ARID2: variants seen among roughly 807,000 people sequenced by gnomAD.
ARID2 encodes the protein AT-rich interactive domain-containing protein 2.
ARID2 carries 32 observed loss-of-function variants against 184.6 expected under a neutral mutation model. That is an observed-to-expected ratio of 0.17 (90% CI 0.13 to 0.23). The LOEUF (loss-of-function observed/expected upper bound fraction) is 0.23, where lower values mean the gene tolerates loss of function less well. Among genes scored for constraint, ARID2 ranks in the 10% least tolerant of loss-of-function variants. The pLI is 1.00. For synonymous variants in ARID2, 836 were observed against 772.6 expected (o/e 1.08, Z -1.36); for missense variants, 1,696 against 2,197.6 (o/e 0.77, Z 4.56).
chr12:45,868,698 G>A (rs969222439), intron 16 of ARID2, among the ~76,000 whole-genome samples: 1 of 152,232 alleles, frequency 6.6e-6, no homozygotes, highest in East Asian at 1.9e-4. Flanking sequence ...TTTTCCAAAT[G>A]GCTAACTTAT....
At chr12:45,827,265 A>G (rs889999623) in intron 6 of ARID2, among the ~76,000 whole-genome samples, 3 of 152,034 alleles carry the variant, frequency 2.0e-5, no homozygotes, top group Admixed American at 6.6e-5. Flanking sequence ...AGCTAGGCCT[A>G]TTGCTACATA....
At chr12:45,840,122 C>T (rs1943314983) in intron 11 of ARID2, 1 of 152,158 alleles carries the variant, frequency 6.6e-6, no homozygotes, top group Admixed American at 6.5e-5. Context: ...CATTATGAGT[C>T]ATCATTTTTT....
intron 6 of ARID2, among the ~76,000 whole-genome samples, chr12:45,827,360 C>A (rs190622463): frequency 6.6e-6 from 1 of 152,078 alleles, no homozygotes; most frequent in Non-Finnish European, 1.5e-5. Context: ...CTTTAAGTCA[C>A]CTTATTTCAG....
intron 3 of ARID2, among the ~76,000 whole-genome samples, chr12:45,793,215 G>A (rs994403509): frequency 6.6e-6 from 1 of 151,926 alleles, no homozygotes; most frequent in Admixed American, 6.6e-5. Context: ...CAAGAGAACC[G>A]CTTGAACCCC....
chr12:45,850,167 T>C lies in ARID2; in HGVS notation c.2044T>C (p.Ser682Pro), dbSNP rs759306222. Residue 682 changes from serine (S) to proline (P), a missense_variant, in exon 15 of 21, where the codon TCA (serine) becomes CCA (proline). By Grantham distance (74) the Ser-to-Pro change is moderately conservative. Around this residue, in one of 11 missense-constraint regions of ARID2, gnomAD observed 713 missense variants for 824.4 expected, o/e 0.86. Coordinates refer to ENST00000334344, the MANE Select transcript of ARID2 (RefSeq NM_152641.4). ...TGTTCATACTGTGGCACAAACTGTT[T>C]CAAGAATTCCACAAAATCCTTCACC... ...QGVHTVAQTVSRIPQNPSPHT... is the reference protein window; with the variant it reads ...QGVHTVAQTVPRIPQNPSPHT... The C allele has an allele frequency of 6.2e-7, 1 of 1,614,138 alleles. No homozygotes were observed. Among genetic ancestry groups the C allele is most frequent in the Non-Finnish European group, 8.5e-7 (1 of 1,179,996 alleles).
At chr12:45,754,632 C>T (rs573596873) in intron 3 of ARID2, among the ~76,000 whole-genome samples, 1 of 152,314 alleles carries the variant, frequency 6.6e-6, no homozygotes, top group South Asian at 2.1e-4. Context: ...CTTTTCTTAT[C>T]TCATCAAGCA....
intron 3 of ARID2, among the ~76,000 whole-genome samples, chr12:45,738,366 G>T (rs1402208605): frequency 1.3e-5 from 2 of 152,112 alleles, no homozygotes; most frequent in African/African-American, 4.8e-5. Flanking sequence ...TCAGGCTGGA[G>T]TGCAGTGGCA....
At chr12:45,802,917 A>G (rs1278734716) in intron 3 of ARID2, among the ~76,000 whole-genome samples, 1 of 152,108 alleles carries the variant, frequency 6.6e-6, no homozygotes, top group Non-Finnish European at 1.5e-5. Context: ...TGATTTTCAC[A>G]TGTCTAATCT....
intron 3 of ARID2, among the ~76,000 whole-genome samples, chr12:45,797,159 T>C (rs1942406994): frequency 6.6e-6 from 1 of 152,162 alleles, no homozygotes; most frequent in Non-Finnish European, 1.5e-5. Context: ...CACAAACACA[T>C]AGTTTTCTAG....
chr12:45,836,546 A>G (rs1019426458), intron 6 of ARID2, 43 bp from the exon 7 acceptor site: 9 of 1,550,768 alleles, frequency 5.8e-6, no homozygotes, highest in Non-Finnish European at 7.9e-6. Flanking sequence ...GCAATAGAAT[A>G]GTTGTTTCAA....
chr12:45,775,552 C>A (rs974784227), intron 3 of ARID2, among the ~76,000 whole-genome samples: 2 of 152,108 alleles, frequency 1.3e-5, no homozygotes, highest in African/African-American at 4.8e-5. Flanking sequence ...TGATGCGTTA[C>A]TAGTTTCATG....
At chr12:45,778,011 G>A (rs1942017293) in intron 3 of ARID2, among the ~76,000 whole-genome samples, 1 of 151,968 alleles carries the variant, frequency 6.6e-6, no homozygotes, top group Admixed American at 6.6e-5. Context: ...TTCTAGACCA[G>A]CCTGGCCAAC....
chr12:45,736,802 C>T (rs533614113), intron 3 of ARID2, among the ~76,000 whole-genome samples: 1 of 152,160 alleles, frequency 6.6e-6, no homozygotes, highest in Non-Finnish European at 1.5e-5. Flanking sequence ...TACTTTATTG[C>T]AGGACTTCTT....
rs1166661693 is a variant in ARID2, at chr12:45,905,165, A to G, written c.*87A>G. On this transcript the variant is annotated 3_prime_UTR_variant, in exon 21 of 21. Coordinates refer to ENST00000334344, the MANE Select transcript of ARID2 (RefSeq NM_152641.4). Reference sequence around the variant, plus strand: ...GAAGAAAGCACCAAGTCTTAATGGAACAAAGACCATAGAATGAATTATTTT... The same window carrying G: ...GAAGAAAGCACCAAGTCTTAATGGAGCAAAGACCATAGAATGAATTATTTT... 1.5e-6 allele frequency: 2 copies of G among 1,354,766 alleles called. No individual in the cohort carries two copies. The highest frequency in any genetic ancestry group is 2.0e-6 in the Non-Finnish European group (2 of 1,000,658). The allele number at this position is 1,354,766 out of a possible 1,614,324, so 83.9% of individuals were successfully genotyped here.
intron 15 of ARID2, among the ~76,000 whole-genome samples, chr12:45,856,123 G>A (rs1943645134): frequency 7.8e-6 from 1 of 128,154 alleles, no homozygotes; most frequent in South Asian, 2.4e-4. Context: ...TGCGTAGGCT[G>A]GAGTGCGGTG....
intron 20 of ARID2, among the ~76,000 whole-genome samples, chr12:45,900,907 TC>T (rs1240491279): frequency 6.6e-6 from 1 of 151,982 alleles, no homozygotes; most frequent in East Asian, 1.9e-4. Context: ...TGATCTGTTT[TC>T]CCCCCTCTAG....
intron 3 of ARID2, among the ~76,000 whole-genome samples, chr12:45,768,883 G>C (rs1330281297): frequency 6.6e-6 from 1 of 152,172 alleles, no homozygotes; most frequent in Non-Finnish European, 1.5e-5. Flanking sequence ...CTAACAACTG[G>C]ATGTGGTCAA....
chr12:45,896,359 C>A (rs1007340693), intron 20 of ARID2, among the ~76,000 whole-genome samples: 1 of 152,078 alleles, frequency 6.6e-6, no homozygotes, highest in African/African-American at 2.4e-5. Context: ...AAGGCTGATG[C>A]GGTTTGGCTG....
At chr12:45,799,976 A>C (rs1362731308) in intron 3 of ARID2, among the ~76,000 whole-genome samples, 1 of 152,056 alleles carries the variant, frequency 6.6e-6, no homozygotes, top group East Asian at 1.9e-4. Context: ...TAGCCCTCCG[A>C]GTAGCTGGGA....
Sources: allele counts gnomAD v4.1 joint callset (sites outside exome capture counted in the v4.1 genomes callset), GRCh38; gene constraint gnomAD v4.1.1; regional missense constraint gnomAD v4.1.1; transcripts MANE v1.5; gene names NCBI Gene and HGNC (gene_info 2026-07-23, HGNC 2026-07-21).